The following SIK2 variants were observed in gnomAD, a reference collection of about 807,000 sequenced individuals.
SIK2 encodes the protein salt inducible kinase 2.
In SIK2, 29 loss-of-function variants were observed where a neutral mutation model predicts 103.2. The observed-to-expected ratio is 0.28, with a 90% CI of 0.21 to 0.38. The LOEUF is 0.38. SIK2 is among the 10% of genes least tolerant of loss of function. SIK2 has a pLI of 1.00. For missense variants in SIK2, 879 were observed against 1,171.0 expected (o/e 0.75, Z 3.64); for synonymous variants, 412 against 446.1 (o/e 0.92, Z 0.96).
Position 111,729,381 on chromosome 11 carries a change from A to G in SIK2, c.*5252A>G, listed in dbSNP as rs1490733056. 2 of 152,254 alleles carry G rather than the reference A, an allele frequency of 1.3e-5. No homozygotes were observed. Among genetic ancestry groups the G allele is most frequent in the Non-Finnish European group, 2.9e-5 (2 of 68,052 alleles). 9.4% of individuals were successfully genotyped at this position (152,254 alleles called of 1,614,324 possible). A position where few individuals can be genotyped will look rare whatever the true frequency, so the allele number is the denominator to read the frequency against. On this transcript the variant is annotated 3_prime_UTR_variant, in exon 15 of 15. Coordinates refer to ENST00000304987, the MANE Select transcript of SIK2 (RefSeq NM_015191.3). ...CACCCACAAGGGAGCAATAGCTTAT[A>G]TTTGTACATTAGTTTTACCAAGCAC...
At chr11:111,622,417 G>T (rs1010910402) in intron 3 of SIK2, among the ~76,000 whole-genome samples, 1 of 151,502 alleles carries the variant, frequency 6.6e-6, no homozygotes, top group South Asian at 2.1e-4. Flanking sequence ...CACCACACCC[G>T]GCTAATTTTT....
chr11:111,721,487 A>G (rs1373392799), intron 12 of SIK2, among the ~76,000 whole-genome samples: 3 of 152,236 alleles, frequency 2.0e-5, no homozygotes, highest in African/African-American at 7.2e-5. Flanking sequence ...CATACTAAAA[A>G]TACAATAAAT....
At chr11:111,716,255 T>G (rs1194500484) in intron 9 of SIK2, among the ~76,000 whole-genome samples, 7 of 152,314 alleles carry the variant, frequency 4.6e-5, no homozygotes, top group African/African-American at 1.4e-4. Flanking sequence ...ATAACTTTTT[T>G]TATGACAAAG....
chr11:111,605,137 G>C (rs924578034), intron 1 of SIK2, among the ~76,000 whole-genome samples: 5 of 151,822 alleles, frequency 3.3e-5, no homozygotes, highest in Non-Finnish European at 7.4e-5. Flanking sequence ...TAATTTGTGT[G>C]TTTTTAGTAG....
intron 9 of SIK2, among the ~76,000 whole-genome samples, chr11:111,713,836 G>A (rs1456870853): frequency 5.3e-5 from 8 of 151,996 alleles, no homozygotes; most frequent in South Asian, 2.1e-4. Context: ...GGGAGGTTGC[G>A]GGCGCCTGTA....
chr11:111,704,128 C>G (rs1019755649), intron 7 of SIK2, among the ~76,000 whole-genome samples: 3 of 152,200 alleles, frequency 2.0e-5, no homozygotes, highest in Non-Finnish European at 4.4e-5. Flanking sequence ...TCCCCCGCCA[C>G]GTAGCCATAA....
chr11:111,691,187 G>A (rs1409702675), intron 4 of SIK2, among the ~76,000 whole-genome samples: 1 of 152,074 alleles, frequency 6.6e-6, no homozygotes, highest in Admixed American at 6.5e-5. Flanking sequence ...TGATATCTTA[G>A]GTTTTTGTTT....
chr11:111,719,874 C>G lies in SIK2; in HGVS notation c.1366C>G (p.Leu456Val). Residue 456 changes from leucine (L) to valine (V), a missense_variant, in exon 10 of 15, where the codon CTG becomes GTG. Leu to Val is a conservative substitution (Grantham distance 32, BLOSUM62 1). This residue lies in a region of SIK2 where 222 missense variants were observed against 258.0 expected (regional missense o/e 0.86). Coordinates refer to ENST00000304987, the MANE Select transcript of SIK2 (RefSeq NM_015191.3). ...NMMETSIDEG[L>V]ETEGEAEEDP... ...GATGGAGACCTCCATTGACGAAGGG[C>G]TGGAGACAGAAGGAGAGGCCGAGGA... 6.2e-7 allele frequency: 1 copy of G among 1,614,132 alleles called. No homozygotes were observed. Among genetic ancestry groups the G allele is most frequent in the Non-Finnish European group, 8.5e-7 (1 of 1,180,028 alleles).
At chr11:111,709,215 G>A (rs7937682) in intron 8 of SIK2, among the ~76,000 whole-genome samples, 3 of 152,016 alleles carry the variant, frequency 2.0e-5, no homozygotes, top group African/African-American at 4.8e-5. Flanking sequence ...TTTTCTCTGC[G>A]CAAGTGTGGA....
At position 111,719,765 on chromosome 11, in the gene SIK2, T is replaced by C; in HGVS notation, c.1267-10T>C. ...CAGAAACTGAGTTTCCTCTCTCCCC[T>C]GGCGTTTAGGTCAATGGCTGTCTGC... On this transcript the variant is annotated splice_polypyrimidine_tract_variant and intron_variant, in intron 9 of 14. Transcript: ENST00000304987. 6.2e-7 allele frequency: 1 copy of C among 1,610,860 alleles called. No individual in the cohort carries two copies. Among genetic ancestry groups the C allele is most frequent in the Middle Eastern group, 1.7e-4 (1 of 6,052 alleles).
intron 9 of SIK2, among the ~76,000 whole-genome samples, chr11:111,713,582 A>T (rs1432651526): frequency 6.6e-6 from 1 of 152,210 alleles, no homozygotes; most frequent in Non-Finnish European, 1.5e-5. Context: ...TGAGTGAGAC[A>T]TGAACTCTGC....
At chr11:111,648,415 C>T (rs1292943780) in intron 3 of SIK2, among the ~76,000 whole-genome samples, 3 of 152,048 alleles carry the variant, frequency 2.0e-5, no homozygotes, top group Admixed American at 1.3e-4. Context: ...CATCCTCACA[C>T]GGTGAGGGGA....
chr11:111,624,286 CT>C (rs1334837195), intron 3 of SIK2, among the ~76,000 whole-genome samples: 2 of 152,190 alleles, frequency 1.3e-5, no homozygotes, highest in African/African-American at 4.8e-5. Flanking sequence ...CTGTTTCCCT[CT>C]TTTGCTTAAT....
intron 1 of SIK2, among the ~76,000 whole-genome samples, chr11:111,611,647 C>G (rs1379696672): frequency 6.6e-6 from 1 of 151,986 alleles, no homozygotes; most frequent in Non-Finnish European, 1.5e-5. Flanking sequence ...TTTATTCAGT[C>G]CTTTAGTAGA....
chr11:111,663,105 G>A (rs548992492), intron 3 of SIK2, among the ~76,000 whole-genome samples: 28 of 151,848 alleles, frequency 1.8e-4, no homozygotes, highest in Middle Eastern at 3.4e-3. Context: ...GTGGTGGTAT[G>A]CGTCTATAGT....
chr11:111,617,861 T>TACAC (rs141114587), intron 2 of SIK2, among the ~76,000 whole-genome samples: 54 of 148,246 alleles, frequency 3.6e-4, no homozygotes, highest in South Asian at 6.5e-4. Flanking sequence ...TATATATATA[T>TACAC]ACACACACAC....
intron 3 of SIK2, among the ~76,000 whole-genome samples, chr11:111,622,889 C>A (rs1016182854): frequency 6.6e-6 from 1 of 152,028 alleles, no homozygotes; most frequent in African/African-American, 2.4e-5. Flanking sequence ...GTGTGGTTTT[C>A]TTCATGATTC....
At chr11:111,612,915 G>GATATATATATATATAT (rs67675103) in intron 1 of SIK2, among the ~76,000 whole-genome samples, 1,194 of 48,468 alleles carry the variant, frequency 0.025, 29 homozygotes, top group Non-Finnish European at 0.026. Context: ...ATAGCAATGG[G>GATATATATATATATAT]ATATATATAT....
intron 4 of SIK2, among the ~76,000 whole-genome samples, chr11:111,695,129 T>G (rs1366310015): frequency 6.6e-6 from 1 of 152,218 alleles, no homozygotes; most frequent in Non-Finnish European, 1.5e-5. Flanking sequence ...ATTTGTCAGC[T>G]TTCATTTCCT....
Sources: gnomAD v4.1 joint callset for allele counts (sites outside exome capture counted in the v4.1 genomes callset) on GRCh38, gnomAD v4.1.1 for gene constraint, gnomAD v4.1.1 regional missense constraint, MANE v1.5 for transcripts, NCBI Gene and HGNC (gene_info 2026-07-23, HGNC 2026-07-21) for gene names.